The following CDK5RAP2 variants were observed in gnomAD, a reference collection of about 807,000 sequenced individuals.
CDK5RAP2 encodes CDK5 regulatory subunit associated protein 2.
In CDK5RAP2, 147 loss-of-function variants were observed where a neutral mutation model predicts 232.9. That is an observed-to-expected ratio of 0.63 (90% CI 0.55 to 0.72). CDK5RAP2 has a LOEUF of 0.72. CDK5RAP2 is among the 30% of genes least tolerant of loss of function. The probability of loss-of-function intolerance (pLI) is 0.00; values close to 1 mark genes in which losing one functional copy is unlikely to be tolerated. For synonymous variants in CDK5RAP2, 833 were observed against 833.7 expected (o/e 1.00, Z 0.01); for missense variants, 2,195 against 2,231.5 (o/e 0.98, Z 0.33).
chr9:120,579,843 C>T (rs1329115506), intron 1 of CDK5RAP2, 77 bp downstream of exon 1: 132 of 1,244,694 alleles, frequency 1.1e-4, no homozygotes, highest in Non-Finnish European at 7.1e-6. Flanking sequence ...GAGCAAACCC[C>T]AAGGCCGCGT....
At chr9:120,490,702 C>T (rs530586067) in intron 13 of CDK5RAP2, among the ~76,000 whole-genome samples, 1 of 152,274 alleles carries the variant, frequency 6.6e-6, no homozygotes, top group Admixed American at 6.5e-5. Context: ...CGTCTACAAG[C>T]CACACTTATC....
chr9:120,551,765 T>C (rs1240695114), intron 3 of CDK5RAP2, among the ~76,000 whole-genome samples: 9 of 152,208 alleles, frequency 5.9e-5, no homozygotes, highest in Admixed American at 1.3e-4. Flanking sequence ...AACCATATGA[T>C]GATACCCGGG....
chr9:120,409,268 G>A lies in CDK5RAP2; in HGVS notation c.4463C>T (p.Thr1488Ile). 1.2e-6 allele frequency: 2 copies of A among 1,613,152 alleles called. No individual in the cohort carries two copies. Among genetic ancestry groups the A allele is most frequent in the East Asian group, 2.2e-5 (1 of 44,848 alleles). ...DKLRESLSRK[T>I]VSLEHLQREY... is the part of the protein sequence containing the mutation. ...CCGCTGAAGGTGCTCCAGGCTCACG[G>A]TCTTCCTGGAGAGGGACTCTCGTAA... Residue 1488 changes from threonine to isoleucine, a missense_variant, in exon 30 of 38, where the codon ACC becomes ATC. Physicochemically the swap from Thr to Ile is moderately conservative, Grantham distance 89. Coordinates refer to ENST00000349780, the MANE Select transcript of CDK5RAP2 (RefSeq NM_018249.6).
Position 120,460,626 on chromosome 9 carries a change from C to T in CDK5RAP2, c.2148G>A (p.Gly716=), listed in dbSNP as rs2037031151. The change falls in exon 19 of 38, where the codon GGG becomes GGA. Residue 716 remains glycine, a synonymous_variant. Coordinates refer to ENST00000349780, the MANE Select transcript of CDK5RAP2 (RefSeq NM_018249.6). ...SKEDEDTIKI[G]EDDEINFLSD... is the part of the protein sequence containing the mutation. ...TCAGGAAATTAATCTCGTCATCCTC[C>T]CCAATTTTGATCGTGTCCTCGTCCT... 1 of 1,614,034 alleles carries T rather than the reference C, an allele frequency of 6.2e-7. No individual in the cohort carries two copies. Among genetic ancestry groups the T allele is most frequent in the Admixed American group, 1.7e-5 (1 of 60,002 alleles).
At chr9:120,471,640 C>T (rs1387336855) in intron 16 of CDK5RAP2, 108 bp downstream of exon 16, 9 of 1,503,346 alleles carry the variant, frequency 6.0e-6, no homozygotes, top group East Asian at 2.3e-5. Flanking sequence ...CCAAACGAAA[C>T]CCCGTGTATG....
chr9:120,570,649 G>A (rs2042819790), intron 2 of CDK5RAP2, among the ~76,000 whole-genome samples: 1 of 152,082 alleles, frequency 6.6e-6, no homozygotes, highest in Non-Finnish European at 1.5e-5. Context: ...AGACCAGCCT[G>A]GCCAACATGG....
intron 26 of CDK5RAP2, among the ~76,000 whole-genome samples, chr9:120,421,991 G>A (rs2034595407): frequency 6.6e-6 from 1 of 152,228 alleles, no homozygotes; most frequent in African/African-American, 2.4e-5. Flanking sequence ...GCCTACAACA[G>A]CAGCTGACAC....
intron 6 of CDK5RAP2, 167 bp from the exon 7 acceptor site, chr9:120,536,693 C>G: frequency 1.3e-6 from 1 of 743,372 alleles, no homozygotes; most frequent in Non-Finnish European, 2.3e-6. Flanking sequence ...CATTTGCCAG[C>G]CATTTTTCCC....
chr9:120,498,230 G>T (rs141286672), intron 12 of CDK5RAP2, among the ~76,000 whole-genome samples: 1 of 152,126 alleles, frequency 6.6e-6, no homozygotes, highest in African/African-American at 2.4e-5. Flanking sequence ...CATACTTAGC[G>T]ATGGCCCCCT....
Position 120,403,976 on chromosome 9 carries a change from T to C in CDK5RAP2, c.5041+60A>G. 1 of 1,195,742 alleles carries C rather than the reference T, an allele frequency of 8.4e-7. No individual in the cohort carries two copies. Among genetic ancestry groups the C allele is most frequent in the South Asian group, 1.2e-5 (1 of 82,554 alleles). 74.1% of individuals were successfully genotyped at this position (1,195,742 alleles called of 1,614,324 possible). A position where few individuals can be genotyped will look rare whatever the true frequency, so the allele number is the denominator to read the frequency against. The stretch of plus-strand genomic sequence containing the variant: ...ACCAGGGACCCCCCTTTTCTGCAAG[T>C]TAAAAAGTCTTACTGTCACATCCAA... On this transcript the variant is annotated intron_variant, in intron 33 of 37. Coordinates refer to ENST00000349780, the MANE Select transcript of CDK5RAP2 (RefSeq NM_018249.6). This position sits in a 1 kb window ranked among gnomAD's most constrained non-coding sequence, Gnocchi z 4.2.
intron 28 of CDK5RAP2, among the ~76,000 whole-genome samples, chr9:120,414,492 T>A (rs890916013): frequency 6.6e-6 from 1 of 152,122 alleles, no homozygotes; most frequent in Admixed American, 6.5e-5. Flanking sequence ...AGAGTAAGAA[T>A]ATATGCTGGT....
At chr9:120,455,340 G>A (rs115360500) in intron 20 of CDK5RAP2, among the ~76,000 whole-genome samples, 2,350 of 149,456 alleles carry the variant, frequency 0.016, 68 homozygotes, top group African/African-American at 0.055. Context: ...AGATGAGCAG[G>A]GAAGAAACGA....
intron 2 of CDK5RAP2, among the ~76,000 whole-genome samples, chr9:120,569,444 G>A (rs796571754): frequency 3.0e-4 from 46 of 152,312 alleles, no homozygotes; most frequent in African/African-American, 1.1e-3. Context: ...TGCCATTTTA[G>A]GTAAGGTGGT....
intron 35 of CDK5RAP2, among the ~76,000 whole-genome samples, chr9:120,396,783 A>G (rs2032504917): frequency 6.6e-6 from 1 of 152,224 alleles, no homozygotes; most frequent in African/African-American, 2.4e-5. Context: ...TCCAGTACTT[A>G]CAACAGGGAA....
At chr9:120,498,568 C>G (rs1028399152) in intron 12 of CDK5RAP2, among the ~76,000 whole-genome samples, 1 of 152,186 alleles carries the variant, frequency 6.6e-6, no homozygotes, top group Non-Finnish European at 1.5e-5. Context: ...TAGATTAGTT[C>G]ATAATGTTGC....
At chr9:120,521,531 A>G (rs1412177239) in intron 11 of CDK5RAP2, among the ~76,000 whole-genome samples, 2 of 151,822 alleles carry the variant, frequency 1.3e-5, no homozygotes, top group Admixed American at 6.6e-5. Flanking sequence ...TCCCCTGCAC[A>G]TGCTCTCTTG....
chr9:120,515,626 C>G (rs1034055542), intron 12 of CDK5RAP2, among the ~76,000 whole-genome samples: 6 of 152,180 alleles, frequency 3.9e-5, no homozygotes, highest in Non-Finnish European at 5.9e-5. Context: ...AATGGGCCAG[C>G]CTTTTGGACA....
intron 19 of CDK5RAP2, among the ~76,000 whole-genome samples, chr9:120,459,123 G>A (rs2036947669): frequency 6.6e-6 from 1 of 152,162 alleles, no homozygotes; most frequent in Non-Finnish European, 1.5e-5. Flanking sequence ...ATATCACAAA[G>A]CTGACTTACT....
Position 120,407,056 on chromosome 9 carries a change from T to C in CDK5RAP2, c.4919A>G (p.Gln1640Arg). 6.2e-7 allele frequency: 1 copy of C among 1,614,148 alleles called. No individual in the cohort carries two copies. The highest frequency in any genetic ancestry group is 8.5e-7 in the Non-Finnish European group (1 of 1,180,010). ...GGGCACCTCAGGGATGGACACGGCT[T>C]GGACAGCCAGAGTGAGGGCTCCTTC... ...AQEGALTLAVQAVSIPEVPLQ... is the reference protein window; with the variant it reads ...AQEGALTLAVRAVSIPEVPLQ... Residue 1640 changes from glutamine to arginine, a missense_variant, in exon 32 of 38, where the codon CAA becomes CGA. Coordinates refer to ENST00000349780, the MANE Select transcript of CDK5RAP2 (RefSeq NM_018249.6).
Sources: gnomAD v4.1 joint callset for allele counts (sites outside exome capture counted in the v4.1 genomes callset) on GRCh38, gnomAD v4.1.1 for gene constraint, Gnocchi (gnomAD v3.1) non-coding constraint, MANE v1.5 for transcripts, NCBI Gene and HGNC (gene_info 2026-07-23, HGNC 2026-07-21) for gene names.